The following CDH23 variants were observed in gnomAD, a reference collection of about 807,000 sequenced individuals.
CDH23 encodes cadherin related 23.
In CDH23, 189 loss-of-function variants were observed where a neutral mutation model predicts 317.1. The ratio of observed to expected loss-of-function variants is 0.60; its 90% CI spans 0.53 to 0.67. CDH23 has a LOEUF of 0.67. Among genes scored for constraint, CDH23 ranks in the 30% least tolerant of loss-of-function variants. The pLI is 0.00. For missense variants in CDH23, 4,401 were observed against 4,592.4 expected (o/e 0.96, Z 1.20); for synonymous variants, 1,839 against 1,876.8 (o/e 0.98, Z 0.52).
chr10:71,534,716 G>A (rs1411673540), intron 6 of CDH23, among the ~76,000 whole-genome samples: 2 of 152,208 alleles, frequency 1.3e-5, no homozygotes, highest in African/African-American at 4.8e-5. Flanking sequence ...CCTTTGCCCT[G>A]ACTTCTGCTG....
At chr10:71,487,940 G>A (rs1225838930) in intron 3 of CDH23, among the ~76,000 whole-genome samples, 2 of 152,198 alleles carry the variant, frequency 1.3e-5, no homozygotes, top group Non-Finnish European at 2.9e-5. Flanking sequence ...CCAGCCTAGA[G>A]GCCCTTGCAT....
At chr10:71,528,822 A>G (rs1008444159) in intron 6 of CDH23, among the ~76,000 whole-genome samples, 29 of 152,178 alleles carry the variant, frequency 1.9e-4, no homozygotes, top group Admixed American at 6.5e-5. Flanking sequence ...CCTGGGGCAG[A>G]TAGCCAAAGC....
intron 53 of CDH23, 125 bp from the exon 54 acceptor site, chr10:71,802,773 G>A (rs1589430861): frequency 1.0e-6 from 1 of 990,242 alleles, no homozygotes; most frequent in African/African-American, 1.6e-5. Context: ...CACATTAGAA[G>A]ACATTACCTC....
chr10:71,648,041 A>G (rs1467210449), intron 14 of CDH23: 2 of 152,248 alleles, frequency 1.3e-5, no homozygotes, highest in Admixed American at 6.5e-5. Flanking sequence ...GATGGTATGA[A>G]ACTGCACTGA....
At chr10:71,418,751 T>G (rs68072991) in intron 1 of CDH23, among the ~76,000 whole-genome samples, 3,304 of 152,310 alleles carry the variant, frequency 0.022, 46 homozygotes, top group Non-Finnish European at 0.038. Flanking sequence ...TCATGGAGAT[T>G]GTTGACCTGC....
At chr10:71,734,416 G>T (rs879241767) in intron 33 of CDH23, 75 bp downstream of exon 33, 2 of 1,506,366 alleles carry the variant, frequency 1.3e-6, no homozygotes, top group Non-Finnish European at 1.8e-6. Context: ...CCATGTCCTC[G>T]CCAGCCACCC....
chr10:71,722,232 GGA>G (rs1866591133), intron 28 of CDH23, among the ~76,000 whole-genome samples: 1 of 152,190 alleles, frequency 6.6e-6, no homozygotes. Flanking sequence ...CTTGAGCTCA[GGA>G]GTTCGAGACC....
chr10:71,654,058 C>T (rs1381859902), intron 14 of CDH23, among the ~76,000 whole-genome samples: 1 of 152,176 alleles, frequency 6.6e-6, no homozygotes, highest in East Asian at 1.9e-4. Flanking sequence ...AGCCAACACA[C>T]TGAGTCTAGC....
chr10:71,480,041 A>G (rs1016635069), intron 3 of CDH23, among the ~76,000 whole-genome samples: 10 of 147,794 alleles, frequency 6.8e-5, no homozygotes, highest in African/African-American at 2.5e-4. Flanking sequence ...CTGTCTCAAC[A>G]TGTTGCCTCT....
chr10:71,457,626 A>T (rs542887971), intron 3 of CDH23, among the ~76,000 whole-genome samples: 20 of 152,334 alleles, frequency 1.3e-4, no homozygotes, highest in African/African-American at 4.3e-4. Context: ...GCCCAGCTCA[A>T]TCTGGGAGAC....
At chr10:71,539,571 C>T (rs1387449757) in intron 6 of CDH23, among the ~76,000 whole-genome samples, 4 of 152,040 alleles carry the variant, frequency 2.6e-5, no homozygotes, top group African/African-American at 9.7e-5. Context: ...TCTCCCATTT[C>T]AAAACCCAAT....
rs567280534 is a variant in CDH23 at position 71,742,105 on chromosome 10, G to A, written c.4845+184G>A. The A allele has an allele frequency of 1.8e-4, 109 of 612,004 alleles. 2 individuals are homozygous for A. The South Asian group carries it at 1.9e-3, about 11-fold the overall frequency. The allele number at this position is 612,004 out of a possible 1,614,324, so 37.9% of individuals were successfully genotyped here. A position where few individuals can be genotyped will look rare whatever the true frequency, so the allele number is the denominator to read the frequency against. On this transcript the variant is annotated intron_variant, in intron 38 of 69. Transcript: ENST00000224721. ...GCCTCCCCTTACGGAGGCCTGTTGC[G>A]TGCAAAGCTGGGGTGCTAGTTTGGC...
At chr10:71,537,114 A>C (rs1292943960) in intron 6 of CDH23, among the ~76,000 whole-genome samples, 1 of 151,934 alleles carries the variant, frequency 6.6e-6, no homozygotes, top group Admixed American at 6.6e-5. Flanking sequence ...CCCAACCTTC[A>C]TGGGCCCATG....
chr10:71,811,806 C>T (rs1841938584), intron 65 of CDH23, 53 bp downstream of exon 65: 1 of 1,508,308 alleles, frequency 6.6e-7, no homozygotes. Flanking sequence ...GGCTGGGGAC[C>T]TGGAGTGCCC....
At chr10:71,735,678 C>T (rs947057892) in intron 34 of CDH23, among the ~76,000 whole-genome samples, 7 of 152,242 alleles carry the variant, frequency 4.6e-5, no homozygotes, top group Admixed American at 3.9e-4. Context: ...GTGTCCAAGC[C>T]AAGAGCCAAA....
chr10:71,537,918 A>T (rs67277557), intron 6 of CDH23, among the ~76,000 whole-genome samples: 1 of 152,152 alleles, frequency 6.6e-6, no homozygotes, highest in Non-Finnish European at 1.5e-5. Context: ...CTCGGCTGGT[A>T]TAGAGCAGAG....
At chr10:71,485,500 G>A (rs1852298346) in intron 3 of CDH23, among the ~76,000 whole-genome samples, 1 of 152,244 alleles carries the variant, frequency 6.6e-6, no homozygotes. Flanking sequence ...GCAGGTGCAA[G>A]GGAGGAGGAG....
intron 3 of CDH23, among the ~76,000 whole-genome samples, chr10:71,477,421 G>A (rs1335412581): frequency 2.0e-5 from 3 of 152,064 alleles, no homozygotes; most frequent in South Asian, 2.1e-4. Flanking sequence ...CACCTGCCTC[G>A]GCCTCCCAAA....
At chr10:71,690,260 G>A (rs916927128) in intron 19 of CDH23, among the ~76,000 whole-genome samples, 4 of 152,074 alleles carry the variant, frequency 2.6e-5, no homozygotes, top group South Asian at 2.1e-4. Context: ...CCAGCCCAGC[G>A]ATCTCAGCTC....
Sources: allele counts gnomAD v4.1 joint callset (sites outside exome capture counted in the v4.1 genomes callset), GRCh38; gene constraint gnomAD v4.1.1; transcripts MANE v1.5; gene names NCBI Gene and HGNC (gene_info 2026-07-23, HGNC 2026-07-21).